The following THNSL2 variants were observed in gnomAD, a reference collection of about 807,000 sequenced individuals.
The protein encoded by THNSL2 is threonine synthase-like 2.
A neutral mutation model predicts 40.0 loss-of-function variants in THNSL2; 34 were observed. The observed-to-expected ratio is 0.85, with a 90% CI of 0.65 to 1.13. The LOEUF (loss-of-function observed/expected upper bound fraction) is 1.13. THNSL2 is among the 50% of genes most tolerant of loss of function. The pLI, the probability that THNSL2 is intolerant of heterozygous loss-of-function variation, is 0.00. For missense variants in THNSL2, 537 were observed against 608.8 expected (o/e 0.88, Z 1.24); for synonymous variants, 241 against 247.5 (o/e 0.97, Z 0.25).
chr2:88,182,444 T>G, intron 5 of THNSL2: 1 of 325,444 alleles, frequency 3.1e-6, no homozygotes, highest in Non-Finnish European at 5.5e-6. Flanking sequence ...CATTTTTAAT[T>G]GGGTTATTTG....
chr2:88,178,586 C>T (rs1394187126), intron 4 of THNSL2, among the ~76,000 whole-genome samples, 197 bp from the exon 5 acceptor site: 1 of 152,190 alleles, frequency 6.6e-6, no homozygotes, highest in Non-Finnish European at 1.5e-5. Context: ...GAATCTGAGG[C>T]ATGATTTCTG....
At chr2:88,175,218 A>C (rs1009779607) in intron 3 of THNSL2, 31 bp from the exon 4 acceptor site, 6 of 1,606,288 alleles carry the variant, frequency 3.7e-6, no homozygotes, top group Non-Finnish European at 5.1e-6. Flanking sequence ...TTTGTTCTAA[A>C]GGGGGAGAGT....
intron 8 of THNSL2, 25 bp downstream of exon 8, chr2:88,185,504 A>T (rs772123994): frequency 6.3e-7 from 1 of 1,586,988 alleles, no homozygotes; most frequent in Non-Finnish European, 8.6e-7. Context: ...GGCCTGGGCC[A>T]CTGAGGGACC....
chr2:88,181,829 A>G (rs1301856162), intron 5 of THNSL2, among the ~76,000 whole-genome samples: 1 of 152,074 alleles, frequency 6.6e-6, no homozygotes, highest in Admixed American at 6.5e-5. Flanking sequence ...TTTTGTCTCT[A>G]TATATAGATT....
chr2:88,178,720 G>A, intron 4 of THNSL2, 63 bp from the exon 5 acceptor site: 3 of 1,581,576 alleles, frequency 1.9e-6, no homozygotes, highest in East Asian at 2.2e-5. Flanking sequence ...TCGCAGGTGA[G>A]TGCTGACCTC....
chr2:88,186,374 G>A lies in THNSL2; in HGVS notation c.*251G>A, dbSNP rs1678292366. ...CCCCGGCCCGTGCAGCAGTGTCTGA[G>A]CTGTAGTGAAAGTTTCAGGGCCTGC... On this transcript the variant is annotated 3_prime_UTR_variant, in exon 9 of 9. Transcript: ENST00000674334. 1.9e-6 allele frequency: 1 copy of A among 528,292 alleles called. No homozygotes were observed. The highest frequency in any genetic ancestry group is 1.9e-5 in the African/African-American group (1 of 52,424). The allele number at this position is 528,292 out of a possible 1,614,324, so 32.7% of individuals were successfully genotyped here. A position where few individuals can be genotyped will look rare whatever the true frequency, so the allele number is the denominator to read the frequency against.
intron 1 of THNSL2, chr2:88,171,781 C>T (rs1676402541): frequency 6.4e-6 from 1 of 155,462 alleles, no homozygotes. Context: ...TACGGAGTGA[C>T]CTTGTATCCT....
At position 88,185,497 on chromosome 2, in the gene THNSL2, C is replaced by T. The variant is rs1361646716; in HGVS notation, c.1229+18C>T. 2 of 1,592,862 alleles carry T rather than the reference C, an allele frequency of 1.3e-6. No homozygotes were observed. The highest frequency in any genetic ancestry group is 4.6e-5 in the East Asian group (2 of 43,710). ...CAGCCCAGGTACAGGCAATGGGGGC[C>T]TGGGCCACTGAGGGACCATTTGAAT... On this transcript the variant is annotated intron_variant, in intron 8 of 8. Coordinates refer to ENST00000674334, the MANE Select transcript of THNSL2 (RefSeq NM_018271.5).
At chr2:88,173,057 T>G in intron 1 of THNSL2, 82 bp from the exon 2 acceptor site, 48 of 947,524 alleles carry the variant, frequency 5.1e-5, no homozygotes, top group Non-Finnish European at 6.4e-5. Context: ...AGGCTAACTG[T>G]GAGACTGTGT....
intron 5 of THNSL2, among the ~76,000 whole-genome samples, chr2:88,180,229 T>C (rs1677382031): frequency 6.6e-6 from 1 of 152,260 alleles, no homozygotes; most frequent in Admixed American, 6.5e-5. Flanking sequence ...TATCCATCTT[T>C]GCTCTGTCAG....
intron 4 of THNSL2, chr2:88,176,658 C>G (rs1676968709): frequency 6.6e-6 from 1 of 152,222 alleles, no homozygotes; most frequent in African/African-American, 2.4e-5. Flanking sequence ...TGAAAACAAA[C>G]CTTATCCAAA....
intron 5 of THNSL2, among the ~76,000 whole-genome samples, chr2:88,181,122 C>T (rs4972185): frequency 0.49 from 2,265 of 4,626 alleles, 532 homozygotes; most frequent in Non-Finnish European, 0.53. Flanking sequence ...CTCTCTCTCT[C>T]CTCTCTCTCC....
At chr2:88,182,461 TA>T (rs1677786466) in intron 5 of THNSL2, 5 of 364,224 alleles carry the variant, frequency 1.4e-5, no homozygotes. Context: ...TTTGTATTTT[TA>T]TTATTGAGTT....
At chr2:88,178,425 G>T (rs1314530581) in intron 4 of THNSL2, among the ~76,000 whole-genome samples, 2 of 152,192 alleles carry the variant, frequency 1.3e-5, no homozygotes, top group Non-Finnish European at 2.9e-5. Context: ...GCGGAAGAGT[G>T]GGGGAAGTGG....
Position 88,186,352 on chromosome 2 carries a change from C to G in THNSL2, c.*229C>G. 1.8e-6 allele frequency: 1 copy of G among 569,606 alleles called. No individual in the cohort carries two copies. Among genetic ancestry groups the G allele is most frequent in the Non-Finnish European group, 3.1e-6 (1 of 318,182 alleles). 35.3% of individuals were successfully genotyped at this position (569,606 alleles called of 1,614,324 possible). On this transcript the variant is annotated 3_prime_UTR_variant, in exon 9 of 9. Transcript: ENST00000674334. Reference sequence around the variant, plus strand: ...TTGCCGGAAGCACCCCCTCCCTCCCCGGCCCGTGCAGCAGTGTCTGAGCTG... The same window carrying G: ...TTGCCGGAAGCACCCCCTCCCTCCCGGGCCCGTGCAGCAGTGTCTGAGCTG...
chr2:88,174,892 C>T, intron 3 of THNSL2, 59 bp downstream of exon 3: 1 of 1,563,876 alleles, frequency 6.4e-7, no homozygotes, highest in Non-Finnish European at 8.7e-7. Flanking sequence ...GGGTGTCCAC[C>T]TATAGGATGC....
chr2:88,186,175 T>G lies in THNSL2; in HGVS notation c.*52T>G, dbSNP rs1335601519. 3 of 1,518,590 alleles carry G rather than the reference T, an allele frequency of 2.0e-6. No individual in the cohort carries two copies. In the African/African-American group the frequency reaches 4.1e-5, roughly 21 times the overall value. 94.1% of individuals were successfully genotyped at this position (1,518,590 alleles called of 1,614,324 possible). On this transcript the variant is annotated 3_prime_UTR_variant, in exon 9 of 9. Coordinates refer to ENST00000674334, the MANE Select transcript of THNSL2 (RefSeq NM_018271.5). ...CTTCAGATCCCAGGAAGATGCACCT[T>G]CTGAGCTGCCTTGTGCACCCTCCCC...
chr2:88,175,502 A>G (rs1000978030), intron 4 of THNSL2, 101 bp downstream of exon 4: 1 of 1,454,064 alleles, frequency 6.9e-7, no homozygotes, highest in Admixed American at 1.9e-5. Context: ...TGGGTAGCTG[A>G]CTGTCCTCCT....
At chr2:88,185,636 G>A (rs1678203608) in intron 8 of THNSL2, 157 bp downstream of exon 8, 1 of 1,551,614 alleles carries the variant, frequency 6.4e-7, no homozygotes. Flanking sequence ...TGTGGGCCCA[G>A]AAGAGGGAGC....
Sources: gnomAD v4.1 joint callset for allele counts (sites outside exome capture counted in the v4.1 genomes callset) on GRCh38, gnomAD v4.1.1 for gene constraint, MANE v1.5 for transcripts, NCBI Gene and HGNC (gene_info 2026-07-23, HGNC 2026-07-21) for gene names.